CUBN: variants seen among roughly 807,000 people sequenced by gnomAD.
CUBN encodes the protein 460 kDa receptor.
A neutral mutation model predicts 405.3 loss-of-function variants in CUBN; 282 were observed. That is an observed-to-expected ratio of 0.70 (90% CI 0.63 to 0.77). The LOEUF (loss-of-function observed/expected upper bound fraction) is 0.77. CUBN is among the 30% of genes least tolerant of loss of function. CUBN has a pLI of 0.00. For synonymous variants in CUBN, 1,684 were observed against 1,617.0 expected (o/e 1.04, Z -0.99); for missense variants, 4,514 against 4,475.2 (o/e 1.01, Z -0.25).
At chr10:16,862,244 A>C (rs1282560103) in intron 59 of CUBN, among the ~76,000 whole-genome samples, 1 of 151,880 alleles carries the variant, frequency 6.6e-6, no homozygotes, top group Non-Finnish European at 1.5e-5. Context: ...ATGAAGGCTT[A>C]CTAAGAAAAT....
chr10:16,936,712 T>C (rs540527402), intron 39 of CUBN, among the ~76,000 whole-genome samples: 2 of 152,294 alleles, frequency 1.3e-5, no homozygotes, highest in Admixed American at 6.5e-5. Flanking sequence ...TTTAAATAAA[T>C]TGCTTTTCTT....
At chr10:16,995,174 G>A (rs528995150) in intron 28 of CUBN, among the ~76,000 whole-genome samples, 15 of 152,320 alleles carry the variant, frequency 9.8e-5, no homozygotes, top group African/African-American at 3.6e-4. Context: ...AGACACAGTG[G>A]CTCTTTGTCA....
intron 65 of CUBN, 103 bp downstream of exon 65, chr10:16,831,149 A>T: frequency 1.0e-6 from 1 of 955,134 alleles, no homozygotes; most frequent in Non-Finnish European, 1.7e-6. Flanking sequence ...TAAACTAATC[A>T]GGTACACAGG....
intron 28 of CUBN, among the ~76,000 whole-genome samples, chr10:16,992,796 T>A (rs976239265): frequency 6.6e-6 from 1 of 152,234 alleles, no homozygotes. Flanking sequence ...TTCCGGCTTT[T>A]ATTTCTAAAG....
intron 17 of CUBN, among the ~76,000 whole-genome samples, chr10:17,082,278 C>A (rs1007537626): frequency 1.3e-5 from 2 of 152,150 alleles, no homozygotes; most frequent in Non-Finnish European, 2.9e-5. Context: ...CAAGGTTATA[C>A]GGTCATCTGA....
intron 57 of CUBN, 73 bp downstream of exon 57, chr10:16,876,824 C>A (rs899149382): frequency 8.0e-7 from 1 of 1,245,442 alleles, no homozygotes; most frequent in Non-Finnish European, 1.2e-6. Context: ...CTGTATGAAT[C>A]GCAGTGAAAA....
At chr10:16,948,693 C>T (rs1429440864) in intron 34 of CUBN, 87 bp from the exon 35 acceptor site, 1 of 1,542,098 alleles carries the variant, frequency 6.5e-7, no homozygotes, top group East Asian at 2.3e-5. Flanking sequence ...ACTCGAATTA[C>T]AAGAGACCAA....
intron 22 of CUBN, among the ~76,000 whole-genome samples, chr10:17,064,070 A>T (rs189264532): frequency 6.8e-4 from 103 of 152,362 alleles, no homozygotes; most frequent in Middle Eastern, 3.4e-3. Context: ...ACCTGAATGA[A>T]GTCCAGTGAA....
At chr10:16,891,840 T>A (rs78625146) in intron 54 of CUBN, among the ~76,000 whole-genome samples, 11,837 of 152,192 alleles carry the variant, frequency 0.078, 541 homozygotes, top group Middle Eastern at 0.12. Context: ...TCACACTCGG[T>A]GTGATGGGTA....
chr10:16,938,177 G>A (rs1842569317), intron 38 of CUBN, among the ~76,000 whole-genome samples: 2 of 152,166 alleles, frequency 1.3e-5, no homozygotes, highest in African/African-American at 4.8e-5. Flanking sequence ...AACAAGAAGA[G>A]AAAAGCTTTA....
chr10:16,873,176 C>T (rs1437890359), intron 58 of CUBN, among the ~76,000 whole-genome samples: 2 of 152,106 alleles, frequency 1.3e-5, no homozygotes, highest in Non-Finnish European at 1.5e-5. Context: ...TCCTACATGA[C>T]CATGAACAAT....
At chr10:16,949,877 G>T (rs28473579) in intron 34 of CUBN, 124 bp downstream of exon 34, 4 of 752,006 alleles carry the variant, frequency 5.3e-6, no homozygotes, top group Non-Finnish European at 7.0e-6. Flanking sequence ...ATCTTTATTT[G>T]GCTTAGGCTG....
intron 43 of CUBN, among the ~76,000 whole-genome samples, chr10:16,922,023 A>G (rs1372220907): frequency 6.6e-6 from 1 of 151,538 alleles, no homozygotes; most frequent in Admixed American, 6.6e-5. Flanking sequence ...CTCTGCATCC[A>G]CTCTTACTGC....
At chr10:16,922,815 T>G (rs796789802) in intron 43 of CUBN, among the ~76,000 whole-genome samples, 22 of 152,212 alleles carry the variant, frequency 1.4e-4, no homozygotes, top group African/African-American at 5.1e-4. Flanking sequence ...TGCATTCCTC[T>G]TTCTAGCACT....
At chr10:16,857,737 TA>T (rs1157430872) in intron 59 of CUBN, among the ~76,000 whole-genome samples, 1 of 152,194 alleles carries the variant, frequency 6.6e-6, no homozygotes, top group East Asian at 1.9e-4. Context: ...GGTGAAATAC[TA>T]AACGCTTTCT....
intron 6 of CUBN, among the ~76,000 whole-genome samples, chr10:17,118,432 T>TTTTTG (rs1428972103): frequency 2.0e-4 from 30 of 152,290 alleles, no homozygotes; most frequent in Admixed American, 2.6e-4. Flanking sequence ...TTTATGCACC[T>TTTTTG]TTTTGTTTTG....
chr10:16,985,999 G>A (rs1833406767), intron 29 of CUBN, among the ~76,000 whole-genome samples: 1 of 152,168 alleles, frequency 6.6e-6, no homozygotes. Flanking sequence ...GTCTCCTCTG[G>A]GTCCTGTTTA....
At chr10:16,992,894 T>C (rs1833634922) in intron 28 of CUBN, among the ~76,000 whole-genome samples, 1 of 152,146 alleles carries the variant, frequency 6.6e-6, no homozygotes, top group Non-Finnish European at 1.5e-5. Flanking sequence ...CCGTAAAAGA[T>C]GAGAAAATAT....
chr10:16,824,989 T>A lies in CUBN; in HGVS notation c.10858A>T (p.Thr3620Ser). ...YARRPSAFRL[T>S]WDS Reference sequence around the variant, plus strand: ...TTGTTACCCACTTAGCTGTCCCAAGTTAATCGGAATGCGGATGGACGCCGT... The same window carrying A: ...TTGTTACCCACTTAGCTGTCCCAAGATAATCGGAATGCGGATGGACGCCGT... The change falls in exon 67 of 67, where the codon ACT (threonine) becomes TCT (serine). Residue 3620 changes from threonine (T) to serine (S), a missense_variant. Physicochemically the swap from Thr to Ser is moderately conservative, Grantham distance 58. Around this residue, in one of 5 missense-constraint regions of CUBN, gnomAD observed 1,186 missense variants for 1,186.9 expected, o/e 1.00. Transcript: ENST00000377833. 2 of 1,613,712 alleles carry A rather than the reference T, an allele frequency of 1.2e-6. No homozygotes were observed. Among genetic ancestry groups the A allele is most frequent in the Non-Finnish European group, 1.7e-6 (2 of 1,179,706 alleles).
Sources: gnomAD v4.1 joint callset for allele counts (sites outside exome capture counted in the v4.1 genomes callset) on GRCh38, gnomAD v4.1.1 for gene constraint, gnomAD v4.1.1 regional missense constraint, MANE v1.5 for transcripts, NCBI Gene and HGNC (gene_info 2026-07-23, HGNC 2026-07-21) for gene names.